CPVL: variants seen among roughly 807,000 people sequenced by gnomAD.
The protein encoded by CPVL is carboxypeptidase vitellogenic like, also known as probable serine carboxypeptidase CPVL.
In CPVL, 51 loss-of-function variants were observed where a neutral mutation model predicts 63.7. The observed-to-expected ratio is 0.80, with a 90% CI of 0.64 to 1.01. The LOEUF is 1.01. CPVL is among the 50% of genes least tolerant of loss of function. The pLI is 0.00. For synonymous variants in CPVL, 195 were observed against 206.0 expected (o/e 0.95, Z 0.46); for missense variants, 530 against 573.1 (o/e 0.92, Z 0.77).
At chr7:29,160,515 G>A (rs959577741) in intron 5 of CPVL, among the ~76,000 whole-genome samples, 1 of 152,176 alleles carries the variant, frequency 6.6e-6, no homozygotes, top group African/African-American at 2.4e-5. Context: ...CTACAAGTGG[G>A]TGTGTAATCC....
At chr7:29,141,649 G>T (rs1410400512) in intron 1 of CPVL, among the ~76,000 whole-genome samples, 1 of 152,052 alleles carries the variant, frequency 6.6e-6, no homozygotes, top group Non-Finnish European at 1.5e-5. Context: ...GGGCGTTGTG[G>T]CTCACGCCTG....
chr7:29,132,417 C>T (rs1790792579), intron 1 of CPVL, among the ~76,000 whole-genome samples: 1 of 152,152 alleles, frequency 6.6e-6, no homozygotes, highest in Non-Finnish European at 1.5e-5. Flanking sequence ...CTGCTGGCCC[C>T]TTGCTGCTGC....
chr7:29,143,899 A>C (rs1326641933), intron 1 of CPVL, among the ~76,000 whole-genome samples: 1 of 152,152 alleles, frequency 6.6e-6, no homozygotes, highest in African/African-American at 2.4e-5. Context: ...TACCTCTAAT[A>C]TCTCTTAAGG....
chr7:29,072,251 C>T (rs373682042), intron 8 of CPVL, 50 bp downstream of exon 8: 48 of 1,599,224 alleles, frequency 3.0e-5, no homozygotes, highest in African/African-American at 4.0e-5. Flanking sequence ...GATAAAAAGG[C>T]ATTTAATCCC....
intron 9 of CPVL, 91 bp downstream of exon 9, chr7:29,071,682 T>A: frequency 7.0e-7 from 1 of 1,436,642 alleles, no homozygotes; most frequent in Non-Finnish European, 9.5e-7. Flanking sequence ...AACAAAAAAA[T>A]GCCTGAGCAC....
At chr7:29,136,285 C>A (rs1791218178) in intron 1 of CPVL, among the ~76,000 whole-genome samples, 1 of 152,108 alleles carries the variant, frequency 6.6e-6, no homozygotes, top group Non-Finnish European at 1.5e-5. Context: ...ATAGAACAAT[C>A]CAAAGAGGAA....
chr7:29,024,831 G>T (rs772272804), intron 12 of CPVL, among the ~76,000 whole-genome samples: 27 of 152,148 alleles, frequency 1.8e-4, no homozygotes, highest in Non-Finnish European at 3.4e-4. Flanking sequence ...GGCCCTACAA[G>T]AAATGCTTAA....
At chr7:29,035,737 G>T (rs1788467753) in intron 11 of CPVL, among the ~76,000 whole-genome samples, 1 of 152,176 alleles carries the variant, frequency 6.6e-6, no homozygotes, top group African/African-American at 2.4e-5. Context: ...TTCATGTGGT[G>T]CTGTATAGTG....
At chr7:29,034,533 C>G (rs1788331620) in intron 11 of CPVL, among the ~76,000 whole-genome samples, 1 of 151,972 alleles carries the variant, frequency 6.6e-6, no homozygotes, top group Non-Finnish European at 1.5e-5. Flanking sequence ...CATCTCATCA[C>G]CTAGGTATTA....
intron 5 of CPVL, among the ~76,000 whole-genome samples, chr7:29,152,181 A>G (rs904234965): frequency 3.9e-5 from 6 of 152,244 alleles, no homozygotes; most frequent in African/African-American, 1.4e-4. Flanking sequence ...GAATACAAGT[A>G]AAATGGGCAA....
At chr7:29,087,070 G>T (rs1785274346) in intron 6 of CPVL, among the ~76,000 whole-genome samples, 1 of 152,048 alleles carries the variant, frequency 6.6e-6, no homozygotes, top group Non-Finnish European at 1.5e-5. Flanking sequence ...AATGGTCACA[G>T]ATATTGAAAT....
At chr7:29,003,183 CACACAGAG>C (rs771003548) in intron 12 of CPVL, among the ~76,000 whole-genome samples, 1,116 of 60,790 alleles carry the variant, frequency 0.018, 4 homozygotes, top group Middle Eastern at 0.028. Flanking sequence ...CACACACACA[CACACAGAG>C]AGAATAGCAT....
intron 1 of CPVL, chr7:29,192,578 T>A (rs939812629): frequency 2.6e-5 from 4 of 152,172 alleles, no homozygotes; most frequent in African/African-American, 4.8e-5. Context: ...AAAGCAAAAA[T>A]TTTTCAAACT....
Position 29,086,529 on chromosome 7 carries a change from C to A in CPVL, c.564G>T (p.Gln188His). The A allele has an allele frequency of 6.2e-7, 1 of 1,611,090 alleles. No individual in the cohort carries two copies. ...DLYSALIQFF[Q>H]IFPEYKNNDF... Reference sequence around the variant, plus strand: ...CATTATTTTTATATTCAGGAAATATCTGGAAAAACTGAATTAGTGCACTGC... The same window carrying A: ...CATTATTTTTATATTCAGGAAATATATGGAAAAACTGAATTAGTGCACTGC... Residue 188 changes from glutamine to histidine, a missense_variant, in exon 7 of 13, where the codon CAG becomes CAT. Physicochemically the swap from Gln to His is conservative, Grantham distance 24. Transcript: ENST00000265394.
At chr7:29,135,863 T>C (rs1180837053) in intron 1 of CPVL, among the ~76,000 whole-genome samples, 1 of 152,104 alleles carries the variant, frequency 6.6e-6, no homozygotes, top group Non-Finnish European at 1.5e-5. Flanking sequence ...CACACCCAGC[T>C]AGATTTTGAT....
intron 1 of CPVL, among the ~76,000 whole-genome samples, chr7:29,136,455 G>A (rs936193883): frequency 1.3e-5 from 2 of 152,156 alleles, no homozygotes; most frequent in Non-Finnish European, 2.9e-5. Flanking sequence ...AGGTTGGAGG[G>A]TAGGAAAGTC....
intron 11 of CPVL, among the ~76,000 whole-genome samples, chr7:29,039,986 G>A (rs1788913747): frequency 6.6e-6 from 1 of 152,036 alleles, no homozygotes; most frequent in Non-Finnish European, 1.5e-5. Context: ...GGAAATGATT[G>A]AACAGCAGCC....
intron 11 of CPVL, among the ~76,000 whole-genome samples, chr7:29,041,884 TA>T (rs1364303771): frequency 2.0e-5 from 3 of 152,226 alleles, no homozygotes; most frequent in Non-Finnish European, 4.4e-5. Context: ...ATTATATATA[TA>T]TAGTGTTAAG....
At chr7:29,035,968 T>C (rs1788486058) in intron 11 of CPVL, among the ~76,000 whole-genome samples, 1 of 152,240 alleles carries the variant, frequency 6.6e-6, no homozygotes, top group Non-Finnish European at 1.5e-5. Flanking sequence ...AGTTCATTGA[T>C]AAGTCTACTC....
Sources: allele counts gnomAD v4.1 joint callset (sites outside exome capture counted in the v4.1 genomes callset), GRCh38; gene constraint gnomAD v4.1.1; transcripts MANE v1.5; gene names NCBI Gene and HGNC (gene_info 2026-07-23, HGNC 2026-07-21).